The following CADM2 variants were observed in gnomAD, a reference collection of about 807,000 sequenced individuals.
CADM2 encodes the protein cell adhesion molecule 2.
Under a neutral mutation model 49.8 loss-of-function variants are expected in CADM2, and 12 were observed. The ratio of observed to expected loss-of-function variants is 0.24; its 90% CI spans 0.15 to 0.39. CADM2 has a LOEUF of 0.39. CADM2 is among the 10% of genes least tolerant of loss of function. The probability of loss-of-function intolerance (pLI) is 1.00; values close to 1 mark genes in which losing one functional copy is unlikely to be tolerated. For missense variants in CADM2, 378 were observed against 492.3 expected (o/e 0.77, Z 2.20); for synonymous variants, 214 against 175.4 (o/e 1.22, Z -1.74).
chr3:85,152,789 C>G (rs1258769485), intron 1 of CADM2, among the ~76,000 whole-genome samples: 1 of 151,860 alleles, frequency 6.6e-6, no homozygotes, highest in Non-Finnish European at 1.5e-5. Context: ...AACCCCGTCT[C>G]TACTAAAAAT....
chr3:85,818,298 G>GT (rs1174924526), intron 3 of CADM2, among the ~76,000 whole-genome samples: 21 of 152,264 alleles, frequency 1.4e-4, no homozygotes, highest in African/African-American at 4.6e-4. Context: ...TACTTTTCAT[G>GT]TTGAGTGTGG....
Position 85,643,110 on chromosome 3 carries a change from T to C in CADM2, c.62-83412T>C, listed in dbSNP as rs533233167. Among the ~76,000 whole-genome samples the C allele has an allele frequency of 5.9e-5, 9 of 152,294 alleles. No homozygotes were observed. In the South Asian group the frequency reaches 1.9e-3, roughly 32 times the overall value. ...TATTGATTGTTCATAGTTCAATTTC[T>C]TGGCAGATATTTCTTCTGCAAGCTA... On this transcript the variant is annotated intron_variant, in intron 1 of 9. Transcript: ENST00000383699.
At chr3:85,937,072 C>T (rs149098788) in intron 7 of CADM2, among the ~76,000 whole-genome samples, 137 of 151,900 alleles carry the variant, frequency 9.0e-4, no homozygotes, top group African/African-American at 2.9e-3. Flanking sequence ...TGTCTTACAA[C>T]GATTCTTTGA....
At chr3:85,091,196 G>A (rs1182186164) in intron 1 of CADM2, among the ~76,000 whole-genome samples, 2 of 152,066 alleles carry the variant, frequency 1.3e-5, no homozygotes, top group Non-Finnish European at 2.9e-5. Context: ...ACGAAAAATA[G>A]TAAAAATTTC....
chr3:84,970,373 G>A (rs1267858699), intron 1 of CADM2, among the ~76,000 whole-genome samples: 2 of 151,558 alleles, frequency 1.3e-5, no homozygotes, highest in African/African-American at 4.8e-5. Flanking sequence ...GAAACCAAGG[G>A]AGAAAAGACT....
At chr3:85,878,138 T>C (rs1375786558) in intron 3 of CADM2, among the ~76,000 whole-genome samples, 1 of 152,130 alleles carries the variant, frequency 6.6e-6, no homozygotes, top group Non-Finnish European at 1.5e-5. Context: ...TAAGAAAATG[T>C]ACACAATAAA....
At chr3:85,940,164 CAAAAAAAAAAAAAAA>C (rs10527231) in intron 7 of CADM2, among the ~76,000 whole-genome samples, 1 of 52,146 alleles carries the variant, frequency 1.9e-5, no homozygotes, top group African/African-American at 5.9e-5. Context: ...ACTAAAAATA[CAAAAAAAAAAAAAAA>C]AAAAAAAAAA....
At chr3:85,940,296 G>A (rs942989050) in intron 7 of CADM2, among the ~76,000 whole-genome samples, 1 of 151,318 alleles carries the variant, frequency 6.6e-6, no homozygotes, top group Non-Finnish European at 1.5e-5. Context: ...CCGAGATCAC[G>A]CCATTGAACT....
chr3:85,562,400 C>A (rs1274514250), intron 1 of CADM2, among the ~76,000 whole-genome samples: 2 of 147,486 alleles, frequency 1.4e-5, no homozygotes. Context: ...ACCACTTGAA[C>A]CCGGGAGGCA....
chr3:85,307,955 A>C (rs1463744978), intron 1 of CADM2, among the ~76,000 whole-genome samples: 3 of 149,774 alleles, frequency 2.0e-5, no homozygotes, highest in Non-Finnish European at 4.5e-5. Context: ...AAAAAAAAAA[A>C]CACAATAATT....
intron 1 of CADM2, among the ~76,000 whole-genome samples, chr3:85,051,233 A>G (rs2035871002): frequency 6.6e-6 from 1 of 152,200 alleles, no homozygotes; most frequent in South Asian, 2.1e-4. Flanking sequence ...TCATATTATC[A>G]GCCCCAAAAG....
At chr3:85,687,081 G>C (rs1315607093) in intron 1 of CADM2, among the ~76,000 whole-genome samples, 2 of 151,782 alleles carry the variant, frequency 1.3e-5, no homozygotes, top group African/African-American at 4.8e-5. Context: ...AGATCTCCGG[G>C]GTTCACAAGA....
chr3:85,494,353 A>T (rs548593663), intron 1 of CADM2, among the ~76,000 whole-genome samples: 1 of 152,296 alleles, frequency 6.6e-6, no homozygotes, highest in Non-Finnish European at 1.5e-5. Context: ...TATGCCAATT[A>T]TTATTTTACT....
At chr3:85,916,819 C>G (rs1718401241) in intron 6 of CADM2, among the ~76,000 whole-genome samples, 2 of 152,100 alleles carry the variant, frequency 1.3e-5, no homozygotes, top group Non-Finnish European at 2.9e-5. Context: ...TTCTCCATAT[C>G]CTCTCCAGCA....
At chr3:85,918,761 G>T (rs968146541) in intron 6 of CADM2, among the ~76,000 whole-genome samples, 1 of 151,952 alleles carries the variant, frequency 6.6e-6, no homozygotes, top group Non-Finnish European at 1.5e-5. Context: ...ACTGAGCAGT[G>T]GGAAAAACCA....
chr3:85,113,083 C>G (rs572116637), intron 1 of CADM2, among the ~76,000 whole-genome samples: 1 of 151,998 alleles, frequency 6.6e-6, no homozygotes, highest in African/African-American at 2.4e-5. Flanking sequence ...CTTTCTTCTT[C>G]AGCTCATTGT....
At chr3:85,247,563 G>T (rs1163459123) in intron 1 of CADM2, among the ~76,000 whole-genome samples, 3 of 151,996 alleles carry the variant, frequency 2.0e-5, no homozygotes, top group Non-Finnish European at 4.4e-5. Context: ...TATACTTCAG[G>T]TAAAGATATA....
chr3:85,953,272 T>A (rs1723665239), intron 7 of CADM2, among the ~76,000 whole-genome samples: 1 of 151,102 alleles, frequency 6.6e-6, no homozygotes, highest in African/African-American at 2.4e-5. Context: ...AGTTTGCCTT[T>A]TGCTTTTATT....
chr3:85,391,671 C>A (rs1246945460), intron 1 of CADM2, among the ~76,000 whole-genome samples: 3 of 152,080 alleles, frequency 2.0e-5, no homozygotes, highest in Non-Finnish European at 4.4e-5. Context: ...ACCAAGCAAG[C>A]AGTACCAGCA....
Sources: allele counts gnomAD v4.1 joint callset (sites outside exome capture counted in the v4.1 genomes callset), GRCh38; gene constraint gnomAD v4.1.1; transcripts MANE v1.5; gene names NCBI Gene and HGNC (gene_info 2026-07-23, HGNC 2026-07-21).